Variants in PCNX1 observed in about 807,000 individuals in gnomAD.
PCNX1 encodes the protein pecanex-like protein 1.
PCNX1 carries 78 observed loss-of-function variants against 242.2 expected under a neutral mutation model. That is an observed-to-expected ratio of 0.32 (90% CI 0.27 to 0.39). PCNX1 has a LOEUF of 0.39. Ranked by LOEUF, PCNX1 falls within the 10% of genes least tolerant of loss-of-function variation. The pLI is 1.00. For synonymous variants in PCNX1, 1,024 were observed against 1,032.9 expected (o/e 0.99, Z 0.17); for missense variants, 2,581 against 2,856.5 (o/e 0.90, Z 2.20).
At chr14:70,947,447 A>G (rs2057502225) in intron 2 of PCNX1, among the ~76,000 whole-genome samples, 1 of 152,214 alleles carries the variant, frequency 6.6e-6, no homozygotes, top group Non-Finnish European at 1.5e-5. Context: ...TTTCATGGAC[A>G]TTTGTTAGTT....
At position 71,042,438 on chromosome 14, in the gene PCNX1, C is replaced by T. The variant is rs1353338930; in HGVS notation, c.3868-2695C>T. On this transcript the variant is annotated intron_variant, in intron 19 of 35. Coordinates refer to ENST00000304743, the MANE Select transcript of PCNX1 (RefSeq NM_014982.3). ...TATAACGACCTTCTTTGTCTCTTTT[C>T]ATGTCTTTTGACTTGCAGTTTATTT... 5.3e-5 allele frequency among the ~76,000 whole-genome samples: 8 copies of T among 151,880 alleles called. No homozygotes were observed. The East Asian group carries it at 1.5e-3, about 29-fold the overall frequency.
At chr14:70,967,509 A>G (rs1371354531) in intron 3 of PCNX1, among the ~76,000 whole-genome samples, 1 of 152,194 alleles carries the variant, frequency 6.6e-6, no homozygotes, top group Non-Finnish European at 1.5e-5. Context: ...TGGTAGTATA[A>G]TAAATAATGG....
At chr14:71,093,456 G>A (rs2062190447) in intron 30 of PCNX1, 1 of 152,258 alleles carries the variant, frequency 6.6e-6, no homozygotes, top group South Asian at 2.1e-4. Context: ...AGCGCCACAT[G>A]ATGAGGAAGA....
chr14:71,040,415 A>T (rs956225372), intron 19 of PCNX1, among the ~76,000 whole-genome samples: 1 of 152,132 alleles, frequency 6.6e-6, no homozygotes, highest in Non-Finnish European at 1.5e-5. Flanking sequence ...AAATTTGATT[A>T]TGATGTACCT....
intron 3 of PCNX1, among the ~76,000 whole-genome samples, chr14:70,967,002 A>G (rs1370650532): frequency 6.6e-6 from 1 of 152,258 alleles, no homozygotes; most frequent in Non-Finnish European, 1.5e-5. Context: ...GCTTAATAAA[A>G]TAGTTCAAAA....
chr14:70,994,101 G>C (rs1184212567), intron 7 of PCNX1, among the ~76,000 whole-genome samples: 1 of 151,972 alleles, frequency 6.6e-6, no homozygotes, highest in Admixed American at 6.6e-5. Flanking sequence ...CCTATCCTCT[G>C]CCTGGAATGT....
intron 1 of PCNX1, among the ~76,000 whole-genome samples, chr14:70,910,240 C>G (rs1223974437): frequency 9.7e-6 from 1 of 103,178 alleles, no homozygotes; most frequent in Non-Finnish European, 2.1e-5. Context: ...CTCACCAGCA[C>G]CATCATCATC....
chr14:71,041,780 C>CTACTATACTA (rs71105759), intron 19 of PCNX1, among the ~76,000 whole-genome samples: 7,610 of 149,214 alleles, frequency 0.051, 237 homozygotes, highest in East Asian at 0.065. Flanking sequence ...GCATTTATTG[C>CTACTATACTA]TACTATACTA....
At chr14:71,102,252 A>T in intron 31 of PCNX1, 32 bp downstream of exon 31, 1 of 1,524,598 alleles carries the variant, frequency 6.6e-7, no homozygotes, top group Non-Finnish European at 9.1e-7. Context: ...TTGGTCCAAA[A>T]CATAGAAGTT....
intron 5 of PCNX1, among the ~76,000 whole-genome samples, chr14:70,974,154 A>G (rs1344088027): frequency 1.3e-5 from 2 of 150,114 alleles, no homozygotes; most frequent in Non-Finnish European, 3.0e-5. Context: ...TAACTGTGGT[A>G]TATCACTTTT....
intron 9 of PCNX1, 153 bp downstream of exon 9, chr14:71,009,877 C>G: frequency 2.2e-6 from 1 of 458,546 alleles, no homozygotes; most frequent in East Asian, 3.2e-5. Context: ...TTATGGCATA[C>G]AACCTGATGT....
intron 1 of PCNX1, among the ~76,000 whole-genome samples, chr14:70,940,560 T>A (rs2057194605): frequency 6.6e-6 from 1 of 152,184 alleles, no homozygotes; most frequent in African/African-American, 2.4e-5. Flanking sequence ...GCCCTTAATA[T>A]TTTTTTCTTC....
At chr14:71,014,202 C>A (rs1008038138) in intron 11 of PCNX1, among the ~76,000 whole-genome samples, 4 of 152,056 alleles carry the variant, frequency 2.6e-5, no homozygotes, top group Admixed American at 6.6e-5. Flanking sequence ...GAATAATTAC[C>A]CCTAGCAGGA....
Position 71,113,640 on chromosome 14 carries a change from T to C in PCNX1, c.*3705T>C, listed in dbSNP as rs1489492461. ...CCTTTTAAGCTGAAGATTCACCCAG[T>C]GTCTAAAGTTGTCCTTTTCTTATAG... On this transcript the variant is annotated 3_prime_UTR_variant, in exon 36 of 36. Transcript: ENST00000304743. 6.6e-6 allele frequency: 1 copy of C among 152,514 alleles called. No homozygotes were observed. Among genetic ancestry groups the C allele is most frequent in the Non-Finnish European group, 1.5e-5 (1 of 68,028 alleles). 9.4% of individuals were successfully genotyped at this position (152,514 alleles called of 1,614,324 possible).
At chr14:70,925,116 G>T (rs2056539158) in intron 1 of PCNX1, among the ~76,000 whole-genome samples, 1 of 151,880 alleles carries the variant, frequency 6.6e-6, no homozygotes, top group Non-Finnish European at 1.5e-5. Flanking sequence ...AGACTCCCGA[G>T]TAGCTGGGAT....
In PCNX1 at chr14:71,026,767, T is replaced by C. The variant is rs1484765368; in HGVS notation, c.3356-5T>C. 7.9e-7 allele frequency: 1 copy of C among 1,270,750 alleles called. No homozygotes were observed. The highest frequency in any genetic ancestry group is 1.3e-5 in the South Asian group (1 of 78,958). 78.7% of individuals were successfully genotyped at this position (1,270,750 alleles called of 1,614,324 possible). A position where few individuals can be genotyped will look rare whatever the true frequency, so the allele number is the denominator to read the frequency against. On this transcript the variant is annotated splice_region_variant and splice_polypyrimidine_tract_variant and intron_variant, in intron 14 of 35. Transcript: ENST00000304743. ...TTTAAAATATACTTTTCTTTCTTTT[T>C]ATAGTGTTTACACTCTGTTTCCCAA...
Position 70,977,587 on chromosome 14 carries a change from A to G in PCNX1, c.1250A>G (p.His417Arg). The change falls in exon 6 of 36, where the codon CAT becomes CGT. Residue 417 changes from histidine to arginine, a missense_variant. Transcript: ENST00000304743. ...CACATAGAGAGCATCCTGTCAGAGC[A>G]TGAGGAGTCTCCTAAAGCAGGAACA... The part of the protein sequence containing the change: ...STHIESILSE[H>R]EESPKAGTKS... The G allele has an allele frequency of 6.2e-7, 1 of 1,614,214 alleles. No individual in the cohort carries two copies. The highest frequency in any genetic ancestry group is 1.7e-5 in the Admixed American group (1 of 60,032).
chr14:71,052,129 T>C (rs2061054069), intron 24 of PCNX1, 117 bp downstream of exon 24: 2 of 744,362 alleles, frequency 2.7e-6, no homozygotes, highest in Non-Finnish European at 4.1e-6. Flanking sequence ...ATATTTATTT[T>C]TGCTAAAACT....
At chr14:70,949,308 T>TGTATACACACGTGTATACACACACGTGC (rs2057669138) in intron 2 of PCNX1, among the ~76,000 whole-genome samples, 1 of 148,220 alleles carries the variant, frequency 6.7e-6, no homozygotes, top group African/African-American at 2.5e-5. Flanking sequence ...CACACATATG[T>TGTATACACACGTGTATACACACACGTGC]GTGTAGATAC....
Sources: allele counts gnomAD v4.1 joint callset (sites outside exome capture counted in the v4.1 genomes callset), GRCh38; gene constraint gnomAD v4.1.1; transcripts MANE v1.5; gene names NCBI Gene and HGNC (gene_info 2026-07-23, HGNC 2026-07-21).